The following GJB2 variants were observed in gnomAD, a reference collection of about 807,000 sequenced individuals.
The protein encoded by GJB2 is gap junction beta-2 protein.
GJB2 carries 30 observed loss-of-function variants against 16.0 expected under a neutral mutation model. The observed-to-expected ratio is 1.88, with a 90% CI of 1.41 to 2.55. GJB2 has a LOEUF of 2.55. GJB2 is among the 30% of genes most tolerant of loss of function. The pLI is 0.00. For missense variants in GJB2, 284 were observed against 289.7 expected (o/e 0.98, Z 0.14); for synonymous variants, 123 against 119.1 (o/e 1.03, Z -0.21).
rs1047262422 is a variant in GJB2 at position 20,188,477 on chromosome 13, C to T, written c.*424G>A. 3 of 171,978 alleles carry T rather than the reference C, an allele frequency of 1.7e-5. No homozygotes were observed. The highest frequency in any genetic ancestry group is 5.8e-5 in the Admixed American group (1 of 17,374). The allele number at this position is 171,978 out of a possible 1,614,324, so 10.7% of individuals were successfully genotyped here. A position where few individuals can be genotyped will look rare whatever the true frequency, so the allele number is the denominator to read the frequency against. On this transcript the variant is annotated 3_prime_UTR_variant, in exon 2 of 2. Transcript: ENST00000382848. ...TGAAAGAACCAATGTTCACCTTTAA[C>T]GTGGGGAAAGTTGGCAAAAAGAACC...
At chr13:20,192,014 G>C (rs1238105436) in intron 1 of GJB2, among the ~76,000 whole-genome samples, 1 of 152,226 alleles carries the variant, frequency 6.6e-6, no homozygotes, top group African/African-American at 2.4e-5. Context: ...GCTCTCAGCA[G>C]CTGTTAGTTA....
intron 1 of GJB2, 105 bp from the exon 2 acceptor site, chr13:20,189,708 A>G (rs1959065486): frequency 2.3e-6 from 2 of 864,836 alleles, no homozygotes; most frequent in African/African-American, 3.3e-5. Context: ...CTTCCTGAGC[A>G]AACACCAACT....
At chr13:20,189,820 T>C (rs1959066095) in intron 1 of GJB2, 5 of 587,848 alleles carry the variant, frequency 8.5e-6, no homozygotes, top group South Asian at 2.0e-5. Flanking sequence ...TTTTAGGTGT[T>C]CTCTGATAAA....
chr13:20,189,628 A>C (rs1959064852), intron 1 of GJB2, 25 bp from the exon 2 acceptor site: 1 of 1,512,952 alleles, frequency 6.6e-7, no homozygotes, highest in South Asian at 1.1e-5. Flanking sequence ...TGCACACAAC[A>C]CAGGAATCAC....
At position 20,188,804 on chromosome 13, in the gene GJB2, G is replaced by A. The variant is rs1959053937; in HGVS notation, c.*97C>T. 5.2e-6 allele frequency: 5 copies of A among 969,400 alleles called. No homozygotes were observed. In the Admixed American group the frequency reaches 5.3e-5, roughly 10 times the overall value. The allele number at this position is 969,400 out of a possible 1,614,324, so 60.0% of individuals were successfully genotyped here. On this transcript the variant is annotated 3_prime_UTR_variant, in exon 2 of 2. Transcript: ENST00000382848. The stretch of plus-strand genomic sequence containing the variant: ...TTGCATTTAAGGTCAGAATCTTTGT[G>A]TTGGGAAATGCTAGCGACTGAGCCT...
rs747685846 is a variant in GJB2, at chr13:20,188,979, A to C, written c.603T>G (p.Ile201Met). 6.2e-7 allele frequency: 1 copy of C among 1,613,994 alleles called. No homozygotes were observed. Among genetic ancestry groups the C allele is most frequent in the South Asian group, 1.1e-5 (1 of 91,074 alleles). ...FTVFMIAVSG[I>M]CILLNVTELC... Reference sequence around the variant, plus strand: ...ATTCAGTGACATTCAGCAGGATGCAAATTCCAGACACTGCAATCATGAACA... The same window carrying C: ...ATTCAGTGACATTCAGCAGGATGCACATTCCAGACACTGCAATCATGAACA... Residue 201 changes from isoleucine to methionine, a missense_variant, in exon 2 of 2, where the codon ATT becomes ATG. Transcript: ENST00000382848.
chr13:20,188,947 TAACAC>T lies in GJB2; in HGVS notation c.630_634del (p.Cys211PhefsTer4), dbSNP rs1190349163. The T allele has an allele frequency of 6.2e-7, 1 of 1,613,782 alleles. No individual in the cohort carries two copies. Among genetic ancestry groups the T allele is most frequent in the African/African-American group, 1.3e-5 (1 of 74,998 alleles). ...CCCAGAACAATATCTAATTAGCAAA[TAACAC>T]AATTCAGTGACATTCAGCAGGATGC... is the stretch of plus-strand genomic sequence containing the variant. On this transcript the variant is annotated frameshift_variant, in exon 2 of 2. Transcript: ENST00000382848. LOFTEE classifies it high-confidence loss of function.
rs1025026812 is a variant in GJB2, at chr13:20,188,054, T to C, written c.*847A>G. On this transcript the variant is annotated 3_prime_UTR_variant, in exon 2 of 2. Coordinates refer to ENST00000382848, the MANE Select transcript of GJB2 (RefSeq NM_004004.6). ...GTAGTAGTTGGTGGTACATCCAGTC[T>C]GTATTTCTTACACAAAATTACATCT... 60 of 152,358 alleles carry C rather than the reference T, an allele frequency of 3.9e-4. No homozygotes were observed. The highest frequency in any genetic ancestry group is 1.3e-3 in the African/African-American group (56 of 41,578). 9.4% of individuals were successfully genotyped at this position (152,358 alleles called of 1,614,324 possible).
Position 20,188,974 on chromosome 13 carries a change from A to T in GJB2, c.608T>A (p.Ile203Asn). 6.2e-7 allele frequency: 1 copy of T among 1,614,022 alleles called. No homozygotes were observed. Among genetic ancestry groups the T allele is most frequent in the African/African-American group, 1.3e-5 (1 of 75,038 alleles). Residue 203 changes from isoleucine to asparagine, a missense_variant, in exon 2 of 2, where the codon ATC becomes AAC. By Grantham distance (149) the Ile-to-Asn change is moderately radical. Coordinates refer to ENST00000382848, the MANE Select transcript of GJB2 (RefSeq NM_004004.6). ...ACACAATTCAGTGACATTCAGCAGG[A>T]TGCAAATTCCAGACACTGCAATCAT... ...VFMIAVSGIC[I>N]LLNVTELCYL...
chr13:20,188,970 C>A lies in GJB2; in HGVS notation c.612G>T (p.Leu204=), dbSNP rs754409855. 1.2e-6 allele frequency: 2 copies of A among 1,614,002 alleles called. No homozygotes were observed. Among genetic ancestry groups the A allele is most frequent in the South Asian group, 2.2e-5 (2 of 91,076 alleles). The change falls in exon 2 of 2, where the codon CTG becomes CTT. Residue 204 remains leucine, a synonymous_variant. Coordinates refer to ENST00000382848, the MANE Select transcript of GJB2 (RefSeq NM_004004.6). The part of the protein sequence containing the change: ...FMIAVSGICI[L]LNVTELCYLL... ...AATAACACAATTCAGTGACATTCAG[C>A]AGGATGCAAATTCCAGACACTGCAA...
At chr13:20,191,842 C>T in intron 1 of GJB2, among the ~76,000 whole-genome samples, 1 of 152,224 alleles carries the variant, frequency 6.6e-6, no homozygotes, top group East Asian at 1.9e-4. Context: ...GGGTGGTCGA[C>T]CTTGCCTGGC....
At chr13:20,191,695 T>C (rs1388420435) in intron 1 of GJB2, among the ~76,000 whole-genome samples, 1 of 152,220 alleles carries the variant, frequency 6.6e-6, no homozygotes. Flanking sequence ...CACGCCATCC[T>C]GCACCGCCTG....
In GJB2 at chr13:20,189,009, G is replaced by A. The variant is rs1959056017; in HGVS notation, c.573C>T (p.Phe191=). 1 of 1,613,690 alleles carries A rather than the reference G, an allele frequency of 6.2e-7. No homozygotes were observed. Residue 191 remains phenylalanine, a synonymous_variant, in exon 2 of 2, where the codon TTC becomes TTT. Coordinates refer to ENST00000382848, the MANE Select transcript of GJB2 (RefSeq NM_004004.6). ...FVSRPTEKTV[F]TVFMIAVSGI... Reference sequence around the variant, plus strand: ...CAGACACTGCAATCATGAACACTGTGAAGACAGTCTTCTCCGTGGGCCGGG... The same window carrying A: ...CAGACACTGCAATCATGAACACTGTAAAGACAGTCTTCTCCGTGGGCCGGG...
Position 20,189,166 on chromosome 13 carries a change from C to T in GJB2, c.416G>A (p.Ser139Asn), listed in dbSNP as rs76434661. The change falls in exon 2 of 2, where the codon AGC (serine) becomes AAC (asparagine). Residue 139 changes from serine to asparagine, a missense_variant. Transcript: ENST00000382848. ...EGSLWWTYTSSIFFRVIFEAA... is the reference protein window; with the variant it reads ...EGSLWWTYTSNIFFRVIFEAA... The stretch of plus-strand genomic sequence containing the variant: ...TTCGAAGATGACCCGGAAGAAGATG[C>T]TGCTTGTGTAGGTCCACCACAGGGA... The T allele has an allele frequency of 6.3e-4, 1,019 of 1,614,082 alleles. No individual in the cohort carries two copies. Among genetic ancestry groups the T allele is most frequent in the Non-Finnish European group, 8.1e-4 (950 of 1,180,046 alleles).
chr13:20,188,814 G>T lies in GJB2; in HGVS notation c.*87C>A. ...GGTCAGAATCTTTGTGTTGGGAAAT[G>T]CTAGCGACTGAGCCTTGACAGCTGA... On this transcript the variant is annotated 3_prime_UTR_variant, in exon 2 of 2. Coordinates refer to ENST00000382848, the MANE Select transcript of GJB2 (RefSeq NM_004004.6). 2 of 1,038,656 alleles carry T rather than the reference G, an allele frequency of 1.9e-6. No individual in the cohort carries two copies. The highest frequency in any genetic ancestry group is 1.3e-5 in the South Asian group (1 of 78,394). The allele number at this position is 1,038,656 out of a possible 1,614,324, so 64.3% of individuals were successfully genotyped here. A position where few individuals can be genotyped will look rare whatever the true frequency, so the allele number is the denominator to read the frequency against.
Position 20,189,278 on chromosome 13 carries a change from TCTC to T in GJB2, c.301_303del (p.Glu101del), listed in dbSNP as rs1555341937. 1 of 1,613,888 alleles carries T rather than the reference TCTC, an allele frequency of 6.2e-7. No homozygotes were observed. Among genetic ancestry groups the T allele is most frequent in the Non-Finnish European group, 8.5e-7 (1 of 1,180,030 alleles). On this transcript the variant is annotated inframe_deletion, in exon 2 of 2. Coordinates refer to ENST00000382848, the MANE Select transcript of GJB2 (RefSeq NM_004004.6). ...TCCCCCTTGATGAACTTCCTCTTCT[TCTC>T]ATGTCTCCGGTAGGCCACGTGCATG... is the stretch of plus-strand genomic sequence containing the variant.
rs938857026 is a variant in GJB2, at chr13:20,189,404, A to G, written c.178T>C (p.Cys60Arg). 4 of 1,612,972 alleles carry G rather than the reference A, an allele frequency of 2.5e-6. No homozygotes were observed. In the African/African-American group the frequency reaches 5.3e-5, roughly 22 times the overall value. ...DFVCNTLQPGCKNVCYDHYFP... is the reference protein window; with the variant it reads ...DFVCNTLQPGRKNVCYDHYFP... ...TAGTGATCGTAGCACACGTTCTTGCAGCCTGGCTGCAGGGTGTTGCAGACA... is the reference window on the plus strand; with the variant it reads ...TAGTGATCGTAGCACACGTTCTTGCGGCCTGGCTGCAGGGTGTTGCAGACA... The change falls in exon 2 of 2, where the codon TGC becomes CGC. Residue 60 changes from cysteine to arginine, a missense_variant. By Grantham distance (180) the Cys-to-Arg change is radical. Transcript: ENST00000382848.
chr13:20,188,843 C>T lies in GJB2; in HGVS notation c.*58G>A, dbSNP rs1230934783. ...GCGACTGAGCCTTGACAGCTGAGCA[C>T]GGGTTGCCTCATCCCTCTCATGCTG... On this transcript the variant is annotated 3_prime_UTR_variant, in exon 2 of 2. Coordinates refer to ENST00000382848, the MANE Select transcript of GJB2 (RefSeq NM_004004.6). 8.3e-6 allele frequency: 11 copies of T among 1,327,730 alleles called. No individual in the cohort carries two copies. The highest frequency in any genetic ancestry group is 2.9e-5 in the African/African-American group (2 of 69,502). 82.2% of individuals were successfully genotyped at this position (1,327,730 alleles called of 1,614,324 possible).
At position 20,190,926 on chromosome 13, in the gene GJB2, G is replaced by A. The variant is rs147578890; in HGVS notation, c.-22-1323C>T. On this transcript the variant is annotated intron_variant, in intron 1 of 1. Coordinates refer to ENST00000382848, the MANE Select transcript of GJB2 (RefSeq NM_004004.6). The stretch of plus-strand genomic sequence containing the variant: ...TTTCATGACCCACAGTCGCTGCCAC[G>A]GGGCACCAAGGTCAGGCAGAAACCA... Among the ~76,000 whole-genome samples, 148 of 152,254 alleles carry A rather than the reference G, an allele frequency of 9.7e-4. 2 individuals are homozygous for A. The highest frequency in any genetic ancestry group is 3.1e-3 in the African/African-American group (130 of 41,546).
Sources: gnomAD v4.1 joint callset for allele counts (sites outside exome capture counted in the v4.1 genomes callset) on GRCh38, gnomAD v4.1.1 for gene constraint, MANE v1.5 for transcripts, NCBI Gene and HGNC (gene_info 2026-07-23, HGNC 2026-07-21) for gene names.